EPHB1: variants seen among roughly 807,000 people sequenced by gnomAD.
EPHB1 encodes the protein EPH receptor B1.
Under a neutral mutation model 94.4 loss-of-function variants are expected in EPHB1, and 30 were observed. The ratio of observed to expected loss-of-function variants is 0.32; its 90% CI spans 0.24 to 0.43. The LOEUF (loss-of-function observed/expected upper bound fraction) is 0.43, where lower values mean the gene tolerates loss of function less well. Ranked by LOEUF, EPHB1 falls within the 20% of genes least tolerant of loss-of-function variation. The probability of loss-of-function intolerance (pLI) is 1.00; values close to 1 mark genes in which losing one functional copy is unlikely to be tolerated. For synonymous variants in EPHB1, 522 were observed against 489.1 expected, an observed-to-expected ratio of 1.07 and a Z score of -0.89; for missense variants, 1,055 against 1,308.3, an observed-to-expected ratio of 0.81 and a Z score of 2.99.
At chr3:135,196,597 C>T (rs556721999) in intron 11 of EPHB1, among the ~76,000 whole-genome samples, 24 of 152,006 alleles carry the variant, frequency 1.6e-4, no homozygotes, top group Non-Finnish European at 3.1e-4. Context: ...TTGATAAAAT[C>T]GAAAAATAGG....
chr3:135,191,839 C>T (rs1942464375), intron 10 of EPHB1, among the ~76,000 whole-genome samples: 1 of 152,204 alleles, frequency 6.6e-6, no homozygotes, highest in South Asian at 2.1e-4. Context: ...AGGGTCGGCC[C>T]CGGCTTTCCT....
At chr3:134,823,504 G>C (rs1056531362) in intron 1 of EPHB1, among the ~76,000 whole-genome samples, 1 of 152,196 alleles carries the variant, frequency 6.6e-6, no homozygotes, top group Non-Finnish European at 1.5e-5. Flanking sequence ...CCTTCCCTCA[G>C]GCTCCGTAAC....
chr3:134,914,585 T>A (rs1429471292), intron 1 of EPHB1, among the ~76,000 whole-genome samples: 2 of 152,096 alleles, frequency 1.3e-5, no homozygotes, highest in African/African-American at 4.8e-5. Flanking sequence ...GGAGGGTTGT[T>A]GGAGACATGG....
chr3:135,166,908 C>T, intron 8 of EPHB1, 34 bp from the exon 9 acceptor site: 1 of 1,612,628 alleles, frequency 6.2e-7, no homozygotes, highest in East Asian at 2.2e-5. Flanking sequence ...TGGGTGTGCC[C>T]TGTGGCTGAG....
At chr3:134,929,781 A>G (rs1001516770) in intron 2 of EPHB1, among the ~76,000 whole-genome samples, 9 of 152,188 alleles carry the variant, frequency 5.9e-5, no homozygotes, top group Non-Finnish European at 1.5e-5. Flanking sequence ...TGAGTGGTTC[A>G]TGGTGTGAGC....
At chr3:134,953,919 T>G (rs1462314632) in intron 3 of EPHB1, among the ~76,000 whole-genome samples, 2 of 152,222 alleles carry the variant, frequency 1.3e-5, no homozygotes, top group Non-Finnish European at 2.9e-5. Context: ...CATTTCTCCT[T>G]CCCAGTCTCG....
intron 3 of EPHB1, among the ~76,000 whole-genome samples, chr3:135,021,626 T>C (rs1479878781): frequency 6.6e-6 from 1 of 152,202 alleles, no homozygotes; most frequent in African/African-American, 2.4e-5. Flanking sequence ...TATTTTTTCT[T>C]CCTTTTTAAT....
intron 4 of EPHB1, among the ~76,000 whole-genome samples, chr3:135,130,017 G>T (rs1236159320): frequency 6.6e-6 from 1 of 152,176 alleles, no homozygotes; most frequent in South Asian, 2.1e-4. Context: ...AACCATTTTG[G>T]ATAGTCAGGA....
chr3:135,114,535 A>C (rs1939595304), intron 4 of EPHB1, among the ~76,000 whole-genome samples: 1 of 77,326 alleles, frequency 1.3e-5, no homozygotes, highest in African/African-American at 5.3e-5. Context: ...CCCTGTCTCT[A>C]CTAAAAAAAA....
rs546562407 is a variant in EPHB1, at chr3:135,154,380, A to C, written c.1422+104A>C. 247 of 1,515,008 alleles carry C rather than the reference A, an allele frequency of 1.6e-4. 2 individuals carry two copies. In the South Asian group the frequency reaches 3.0e-3, roughly 18 times the overall value. 93.8% of individuals were successfully genotyped at this position (1,515,008 alleles called of 1,614,324 possible). ...AAGGAGATAGGCTGCTGAGGTGGGG[A>C]GGATTCTGGTGACAGAGGCCAGAAG... On this transcript the variant is annotated intron_variant, in intron 6 of 15. Transcript: ENST00000398015.
At chr3:135,024,150 G>C (rs1275842864) in intron 3 of EPHB1, among the ~76,000 whole-genome samples, 1 of 152,150 alleles carries the variant, frequency 6.6e-6, no homozygotes, top group Non-Finnish European at 1.5e-5. Flanking sequence ...TCTCTACCTA[G>C]TCAATTCTGA....
chr3:135,147,884 C>T (rs1371983438), intron 5 of EPHB1, among the ~76,000 whole-genome samples: 7 of 152,214 alleles, frequency 4.6e-5, no homozygotes, highest in Non-Finnish European at 1.0e-4. Context: ...CACCCACACA[C>T]ACAACACTGT....
intron 3 of EPHB1, among the ~76,000 whole-genome samples, chr3:135,023,820 TG>T (rs1936053953): frequency 6.6e-6 from 1 of 152,240 alleles, no homozygotes; most frequent in Admixed American, 6.5e-5. Context: ...CAGGCATTGC[TG>T]TCTAGCCACT....
chr3:135,106,872 C>T (rs1407891404), intron 4 of EPHB1, among the ~76,000 whole-genome samples: 1 of 152,166 alleles, frequency 6.6e-6, no homozygotes, highest in African/African-American at 2.4e-5. Flanking sequence ...AACTTCTGTT[C>T]ATCAGATGTC....
At chr3:135,067,945 T>C (rs1247332032) in intron 3 of EPHB1, 1 of 152,236 alleles carries the variant, frequency 6.6e-6, no homozygotes, top group Non-Finnish European at 1.5e-5. Context: ...TCCCATAAGC[T>C]AGACCTTCAG....
At chr3:135,255,960 T>A (rs1332801216) in intron 15 of EPHB1, among the ~76,000 whole-genome samples, 8 of 149,374 alleles carry the variant, frequency 5.4e-5, no homozygotes, top group Admixed American at 3.3e-4. Context: ...TTGATCCCTT[T>A]ACCATTATGT....
intron 3 of EPHB1, among the ~76,000 whole-genome samples, chr3:134,986,503 A>G (rs926933644): frequency 2.6e-5 from 4 of 152,234 alleles, no homozygotes; most frequent in African/African-American, 7.2e-5. Flanking sequence ...GGGCCAACTC[A>G]GGTTCAGCAT....
chr3:134,852,080 G>A (rs1223140666), intron 1 of EPHB1, among the ~76,000 whole-genome samples: 1 of 152,174 alleles, frequency 6.6e-6, no homozygotes, highest in Non-Finnish European at 1.5e-5. Flanking sequence ...GCAGTCGGCT[G>A]TGCACTTTAC....
intron 1 of EPHB1, among the ~76,000 whole-genome samples, chr3:134,916,895 C>T (rs547483663): frequency 2.2e-4 from 33 of 152,342 alleles, no homozygotes; most frequent in Admixed American, 4.6e-4. Context: ...GCAAGGGCTG[C>T]GAGGGCTGCC....
Sources: allele counts gnomAD v4.1 joint callset (sites outside exome capture counted in the v4.1 genomes callset), GRCh38; gene constraint gnomAD v4.1.1; transcripts MANE v1.5; gene names NCBI Gene and HGNC (gene_info 2026-07-23, HGNC 2026-07-21).